The following CATSPERB variants were observed in gnomAD, a reference collection of about 807,000 sequenced individuals.
The protein encoded by CATSPERB is cation channel sperm-associated auxiliary subunit beta.
CATSPERB carries 93 observed loss-of-function variants against 128.3 expected under a neutral mutation model. The observed-to-expected ratio is 0.72, with a 90% confidence interval of 0.61 to 0.86. The LOEUF is 0.86. Ranked by LOEUF, CATSPERB falls within the 40% of genes least tolerant of loss-of-function variation. The probability of loss-of-function intolerance (pLI) is 0.00; values close to 1 mark genes in which losing one functional copy is unlikely to be tolerated. For synonymous variants in CATSPERB, 381 were observed against 448.8 expected (o/e 0.85, Z 1.91); for missense variants, 1,153 against 1,329.5 (o/e 0.87, Z 2.06).
intron 22 of CATSPERB, among the ~76,000 whole-genome samples, chr14:91,600,164 G>A (rs1893586086): frequency 6.6e-6 from 1 of 152,168 alleles, no homozygotes; most frequent in Non-Finnish European, 1.5e-5. Flanking sequence ...GTAATTCTAT[G>A]TTTAACTTTT....
chr14:91,691,475 G>A (rs985759679), intron 10 of CATSPERB, 48 bp downstream of exon 10: 2 of 1,397,630 alleles, frequency 1.4e-6, no homozygotes, highest in Non-Finnish European at 1.9e-6. Context: ...AAGTTACCAA[G>A]TAAACACATA....
In CATSPERB at chr14:91,624,933, G is replaced by A; in HGVS notation, c.1817C>T (p.Ala606Val). Reference sequence around the variant, plus strand: ...TAATCCAAAGGGCTCTTTCATTTCTGCAATAACTGAGGACAAAAATCCTTT... The same window carrying A: ...TAATCCAAAGGGCTCTTTCATTTCTACAATAACTGAGGACAAAAATCCTTT... ...TPKGFLSSVI[A>V]EMKEPFGLEE... The change falls in exon 18 of 27, where the codon GCA (alanine) becomes GTA (valine). Residue 606 changes from alanine (A) to valine (V), a missense_variant. By Grantham distance (64) the Ala-to-Val change is moderately conservative (BLOSUM62 0). Coordinates refer to ENST00000256343, the MANE Select transcript of CATSPERB (RefSeq NM_024764.4). The A allele has an allele frequency of 6.2e-7, 1 of 1,612,788 alleles. No individual in the cohort carries two copies. Among genetic ancestry groups the A allele is most frequent in the Middle Eastern group, 1.7e-4 (1 of 6,014 alleles).
chr14:91,715,310 C>T (rs1895918363), intron 5 of CATSPERB, among the ~76,000 whole-genome samples: 1 of 151,998 alleles, frequency 6.6e-6, no homozygotes, highest in Admixed American at 6.6e-5. Flanking sequence ...GCCTATAATC[C>T]TAGCACTTTG....
chr14:91,670,659 G>C (rs1189076064), intron 13 of CATSPERB, among the ~76,000 whole-genome samples: 1 of 151,664 alleles, frequency 6.6e-6, no homozygotes, highest in Non-Finnish European at 1.5e-5. Context: ...CAGCCTGAGT[G>C]AGAGTGAGAC....
chr14:91,678,986 T>C (rs925052176), intron 11 of CATSPERB, among the ~76,000 whole-genome samples: 1 of 152,188 alleles, frequency 6.6e-6, no homozygotes, highest in Admixed American at 6.5e-5. Flanking sequence ...TGACTAGTGC[T>C]GTCTAATATC....
chr14:91,596,273 G>A (rs1036637384), intron 22 of CATSPERB, among the ~76,000 whole-genome samples: 6 of 151,736 alleles, frequency 4.0e-5, no homozygotes, highest in Admixed American at 1.3e-4. Flanking sequence ...GCACAATCTC[G>A]GCTCACTACA....
intron 10 of CATSPERB, among the ~76,000 whole-genome samples, chr14:91,688,314 T>C (rs987041809): frequency 4.6e-5 from 7 of 152,188 alleles, no homozygotes; most frequent in African/African-American, 1.7e-4. Flanking sequence ...CAAAATCTAA[T>C]ACCAGTGAGG....
At chr14:91,667,552 A>C (rs1566724590) in intron 14 of CATSPERB, among the ~76,000 whole-genome samples, 1 of 152,216 alleles carries the variant, frequency 6.6e-6, no homozygotes, top group East Asian at 1.9e-4. Context: ...GTGGAACTTC[A>C]ACCTATATCT....
At chr14:91,647,417 T>C (rs751025021) in intron 15 of CATSPERB, among the ~76,000 whole-genome samples, 1 of 152,210 alleles carries the variant, frequency 6.6e-6, no homozygotes, top group Non-Finnish European at 1.5e-5. Context: ...TGTAAATCTC[T>C]TCAGGTCAAA....
At chr14:91,595,442 C>T (rs895143902) in intron 22 of CATSPERB, among the ~76,000 whole-genome samples, 2 of 152,092 alleles carry the variant, frequency 1.3e-5, no homozygotes, top group African/African-American at 4.8e-5. Flanking sequence ...GCTGGGATTA[C>T]AGGCATGAGC....
intron 4 of CATSPERB, among the ~76,000 whole-genome samples, chr14:91,722,402 A>T (rs1457672654): frequency 6.6e-6 from 1 of 152,240 alleles, no homozygotes; most frequent in East Asian, 1.9e-4. Context: ...GCCAGTCATG[A>T]ACACTACATA....
chr14:91,662,260 A>G (rs1290597308), intron 14 of CATSPERB, among the ~76,000 whole-genome samples: 1 of 152,134 alleles, frequency 6.6e-6, no homozygotes, highest in Non-Finnish European at 1.5e-5. Context: ...AAATAACATA[A>G]TGCTTAATTT....
At chr14:91,603,498 C>T (rs1893643306) in intron 22 of CATSPERB, 1 of 1,078,736 alleles carries the variant, frequency 9.3e-7, no homozygotes, top group East Asian at 2.4e-5. Context: ...GTGGGCAAAA[C>T]TCTGCAGCTG....
rs780692485 is a variant in CATSPERB at position 91,723,030 on chromosome 14, T to C, written c.309+19A>G. The C allele has an allele frequency of 4.1e-6, 6 of 1,476,470 alleles. No individual in the cohort carries two copies. The highest frequency in any genetic ancestry group is 5.4e-6 in the Non-Finnish European group (6 of 1,111,940). 91.5% of individuals were successfully genotyped at this position (1,476,470 alleles called of 1,614,324 possible). ...TTCTTGTTAATAACATATCACAGAG[T>C]AAGATAAAATGTAATTACCAACGTT... On this transcript the variant is annotated intron_variant, in intron 4 of 26. Transcript: ENST00000256343.
chr14:91,639,109 T>C lies in CATSPERB; in HGVS notation c.1574A>G (p.Asn525Ser), dbSNP rs1288716952. 7 of 1,613,936 alleles carry C rather than the reference T, an allele frequency of 4.3e-6. No homozygotes were observed. Among genetic ancestry groups the C allele is most frequent in the Non-Finnish European group, 5.9e-6 (7 of 1,179,962 alleles). Residue 525 changes from asparagine to serine, a missense_variant, in exon 16 of 27, where the codon AAT becomes AGT. Physicochemically the swap from Asn to Ser is conservative, Grantham distance 46. Coordinates refer to ENST00000256343, the MANE Select transcript of CATSPERB (RefSeq NM_024764.4). ...TTATATACTGACCTGTCCAAAAAGATTTCTAGAATTTCCAAAGGCTGTGGG... is the reference window on the plus strand; with the variant it reads ...TTATATACTGACCTGTCCAAAAAGACTTCTAGAATTTCCAAAGGCTGTGGG... ...GPPTAFGNSRNLFGQPPDMGF... is the reference protein window; with the variant it reads ...GPPTAFGNSRSLFGQPPDMGF...
intron 19 of CATSPERB, among the ~76,000 whole-genome samples, chr14:91,619,991 C>T (rs531750148): frequency 6.6e-6 from 1 of 151,788 alleles, no homozygotes; most frequent in African/African-American, 2.4e-5. Context: ...TTGCCTCGGC[C>T]TCCCAAAGTG....
At position 91,659,901 on chromosome 14, in the gene CATSPERB, A is replaced by G. The variant is rs763668603; in HGVS notation, c.1368T>C (p.His456=). 20 of 1,603,682 alleles carry G rather than the reference A, an allele frequency of 1.2e-5. No individual in the cohort carries two copies. In the African/African-American group the frequency reaches 2.4e-4, roughly 19 times the overall value. The stretch of plus-strand genomic sequence containing the variant: ...AAGTAATAGCTGATGTATAAAAACT[A>G]TGAAAAGTCTTCTTTATGATATCAT... ...FHDDIIKKTF[H]SFYTSAITFV... is the part of the protein sequence containing the mutation. The change falls in exon 15 of 27, where the codon CAT becomes CAC. Residue 456 remains histidine, a synonymous_variant. Coordinates refer to ENST00000256343, the MANE Select transcript of CATSPERB (RefSeq NM_024764.4).
chr14:91,657,960 T>C (rs1894814232), intron 15 of CATSPERB, among the ~76,000 whole-genome samples: 1 of 152,080 alleles, frequency 6.6e-6, no homozygotes, highest in South Asian at 2.1e-4. Flanking sequence ...ATTAGTACTA[T>C]GAAGAATAGT....
intron 11 of CATSPERB, among the ~76,000 whole-genome samples, chr14:91,682,763 T>C (rs116140754): frequency 0.011 from 1,667 of 152,256 alleles, 25 homozygotes; most frequent in African/African-American, 0.037. Flanking sequence ...GCAGTGACCA[T>C]AGATGTAGAA....
Sources: allele counts gnomAD v4.1 joint callset (sites outside exome capture counted in the v4.1 genomes callset), GRCh38; gene constraint gnomAD v4.1.1; transcripts MANE v1.5; gene names NCBI Gene and HGNC (gene_info 2026-07-23, HGNC 2026-07-21).